The following SWAP70 variants were observed in gnomAD, a reference collection of about 807,000 sequenced individuals.
The protein encoded by SWAP70 is switch-associated protein 70.
A neutral mutation model predicts 80.2 loss-of-function variants in SWAP70; 34 were observed. The observed-to-expected ratio is 0.42, with a 90% CI of 0.32 to 0.56. SWAP70 has a LOEUF of 0.56. Ranked by LOEUF, SWAP70 falls within the 20% of genes least tolerant of loss-of-function variation. The pLI is 0.09. For missense variants in SWAP70, 578 were observed against 690.7 expected, an observed-to-expected ratio of 0.84 and a Z score of 1.83; for synonymous variants, 239 against 238.5, an observed-to-expected ratio of 1.00 and a Z score of -0.02.
intron 3 of SWAP70, among the ~76,000 whole-genome samples, chr11:9,721,563 C>T (rs1851138174): frequency 1.3e-5 from 2 of 151,098 alleles, no homozygotes; most frequent in South Asian, 4.2e-4. Flanking sequence ...CCTCAAACTC[C>T]TTGGCTCAAG....
chr11:9,687,340 C>T (rs1037843932), intron 1 of SWAP70, among the ~76,000 whole-genome samples: 1 of 152,150 alleles, frequency 6.6e-6, no homozygotes, highest in African/African-American at 2.4e-5. Context: ...GCCATACAAT[C>T]CAAAAGTTAA....
chr11:9,726,490 A>G (rs1476139797), intron 4 of SWAP70, among the ~76,000 whole-genome samples: 1 of 152,198 alleles, frequency 6.6e-6, no homozygotes, highest in African/African-American at 2.4e-5. Flanking sequence ...CGTGGTCTCC[A>G]TCTGAAGTGG....
At chr11:9,725,465 C>T (rs1197157298) in intron 4 of SWAP70, among the ~76,000 whole-genome samples, 1 of 140,722 alleles carries the variant, frequency 7.1e-6, no homozygotes, top group African/African-American at 2.6e-5. Flanking sequence ...GGGTGGATCA[C>T]CAGGTCAGGA....
intron 8 of SWAP70, among the ~76,000 whole-genome samples, 175 bp from the exon 9 acceptor site, chr11:9,740,006 C>T (rs369832122): frequency 6.6e-6 from 1 of 152,114 alleles, no homozygotes; most frequent in African/African-American, 2.4e-5. Flanking sequence ...TTCACTATTG[C>T]GATTGGGTGT....
intron 1 of SWAP70, among the ~76,000 whole-genome samples, chr11:9,685,510 C>A (rs533475613): frequency 6.6e-6 from 1 of 152,212 alleles, no homozygotes; most frequent in South Asian, 2.1e-4. Flanking sequence ...GTTGCTGTAT[C>A]CTCACATGGC....
intron 6 of SWAP70, among the ~76,000 whole-genome samples, chr11:9,731,678 G>T (rs552446351): frequency 6.6e-6 from 1 of 152,098 alleles, no homozygotes; most frequent in African/African-American, 2.4e-5. Flanking sequence ...AAAAACTGAG[G>T]GTCAGAAGAG....
chr11:9,672,228 T>TATAC (rs1554982640), intron 1 of SWAP70, among the ~76,000 whole-genome samples: 1 of 133,712 alleles, frequency 7.5e-6, no homozygotes, highest in Admixed American at 8.2e-5. Flanking sequence ...TATATATATA[T>TATAC]GATTGTAAAG....
chr11:9,735,799 G>T (rs192466870), intron 7 of SWAP70, among the ~76,000 whole-genome samples: 1 of 152,234 alleles, frequency 6.6e-6, no homozygotes, highest in East Asian at 1.9e-4. Flanking sequence ...CTGCTTTTAA[G>T]ATTATTTTTT....
chr11:9,743,827 CATT>C lies in SWAP70; in HGVS notation c.1355+3484_1355+3486del, dbSNP rs543900980. On this transcript the variant is annotated intron_variant, in intron 9 of 11. Coordinates refer to ENST00000318950, the MANE Select transcript of SWAP70 (RefSeq NM_015055.4). ...ATCATTCGTGGAATATTTGGAATCTCATTATTCTTTTAATGGATAGTTCTTTCT... is the reference window on the plus strand; with the variant it reads ...ATCATTCGTGGAATATTTGGAATCTCATTCTTTTAATGGATAGTTCTTTCT... Among the ~76,000 whole-genome samples, 409 of 152,106 alleles carry C rather than the reference CATT, an allele frequency of 2.7e-3. 3 individuals are homozygous for C. The highest frequency in any genetic ancestry group is 8.8e-3 in the African/African-American group (364 of 41,486).
chr11:9,682,942 C>G (rs1367338286), intron 1 of SWAP70, among the ~76,000 whole-genome samples: 1 of 152,148 alleles, frequency 6.6e-6, no homozygotes, highest in Non-Finnish European at 1.5e-5. Context: ...TCCTAAAGTG[C>G]TGGGATTATA....
chr11:9,671,468 A>G (rs1850385467), intron 1 of SWAP70, among the ~76,000 whole-genome samples: 2 of 106,200 alleles, frequency 1.9e-5, no homozygotes, highest in Non-Finnish European at 3.4e-5. Context: ...ATATATATAA[A>G]TATATAAAAG....
At chr11:9,671,530 AAATATATAG>A (rs1850390321) in intron 1 of SWAP70, among the ~76,000 whole-genome samples, 1 of 25,204 alleles carries the variant, frequency 4.0e-5, no homozygotes, top group Non-Finnish European at 1.2e-4. Flanking sequence ...ATAAATATAT[AAATATATAG>A]AAATATATAG....
rs566176029 is a variant in SWAP70, at chr11:9,727,901, C to T, written c.643-152C>T. ...GCTTGCATGACTAGGTGTAATGCCC[C>T]TCCATAGATTCTCAGAGGATCCAAG... On this transcript the variant is annotated intron_variant, in intron 4 of 11. Coordinates refer to ENST00000318950, the MANE Select transcript of SWAP70 (RefSeq NM_015055.4). 7 of 790,396 alleles carry T rather than the reference C, an allele frequency of 8.9e-6. No homozygotes were observed. The East Asian group carries it at 9.3e-5, about 10-fold the overall frequency. 49.0% of individuals were successfully genotyped at this position (790,396 alleles called of 1,614,324 possible).
intron 2 of SWAP70, among the ~76,000 whole-genome samples, chr11:9,705,573 A>C (rs1377841429): frequency 2.1e-5 from 3 of 143,300 alleles, no homozygotes; most frequent in African/African-American, 8.5e-5. Context: ...ATCTGTATGC[A>C]CTGGTGATCT....
chr11:9,694,936 G>A (rs1850736820), intron 2 of SWAP70, among the ~76,000 whole-genome samples: 2 of 152,156 alleles, frequency 1.3e-5, no homozygotes, highest in South Asian at 4.1e-4. Flanking sequence ...AATACCATTT[G>A]ACCCAGCAAT....
chr11:9,672,034 T>C (rs1371822116), intron 1 of SWAP70, among the ~76,000 whole-genome samples: 1 of 122,058 alleles, frequency 8.2e-6, no homozygotes, highest in Non-Finnish European at 1.6e-5. Flanking sequence ...TATATTTTAA[T>C]AATATATTTT....
intron 6 of SWAP70, among the ~76,000 whole-genome samples, chr11:9,729,716 T>C (rs1362585580): frequency 2.6e-5 from 4 of 152,104 alleles, no homozygotes; most frequent in Non-Finnish European, 4.4e-5. Context: ...CTGGTCTCAA[T>C]CTCCTGACCT....
chr11:9,700,861 A>G (rs1164869480), intron 2 of SWAP70, among the ~76,000 whole-genome samples: 1 of 152,000 alleles, frequency 6.6e-6, no homozygotes, highest in Non-Finnish European at 1.5e-5. Flanking sequence ...TTCTGTCTCA[A>G]GTTGTTTTAA....
At chr11:9,685,707 C>T (rs1422300116) in intron 1 of SWAP70, among the ~76,000 whole-genome samples, 1 of 152,052 alleles carries the variant, frequency 6.6e-6, no homozygotes, top group Non-Finnish European at 1.5e-5. Flanking sequence ...GATTTCTGCT[C>T]ACTGCAATCT....
Sources: allele counts gnomAD v4.1 joint callset (sites outside exome capture counted in the v4.1 genomes callset), GRCh38; gene constraint gnomAD v4.1.1; transcripts MANE v1.5; gene names NCBI Gene and HGNC (gene_info 2026-07-23, HGNC 2026-07-21).